C10orf90: variants seen among roughly 807,000 people sequenced by gnomAD.
The protein encoded by C10orf90 is (E2-independent) E3 ubiquitin-conjugating enzyme FATS.
In C10orf90, 56 loss-of-function variants were observed where a neutral mutation model predicts 62.5. The ratio of observed to expected loss-of-function variants is 0.90; its 90% CI spans 0.72 to 1.12. The LOEUF is 1.12. C10orf90 is among the 50% of genes most tolerant of loss of function. The pLI is 0.00. For synonymous variants in C10orf90, 386 were observed against 340.4 expected (o/e 1.13, Z -1.47); for missense variants, 970 against 880.4 (o/e 1.10, Z -1.29).
chr10:126,437,263 A>G, intron 7 of C10orf90, among the ~76,000 whole-genome samples: 1 of 152,164 alleles, frequency 6.6e-6, no homozygotes, highest in East Asian at 1.9e-4. Flanking sequence ...CAAAGGAGGG[A>G]TTGTATTTTC....
chr10:126,519,892 C>A (rs1452852427), intron 2 of C10orf90, among the ~76,000 whole-genome samples: 1 of 152,150 alleles, frequency 6.6e-6, no homozygotes, highest in East Asian at 1.9e-4. Context: ...GAGGCCAGAT[C>A]CCCTCCGTGA....
At chr10:126,459,004 G>T (rs1438319108) in intron 7 of C10orf90, 36 bp downstream of exon 7, 1 of 1,592,322 alleles carries the variant, frequency 6.3e-7, no homozygotes. Flanking sequence ...CCCATCCCTG[G>T]TCTTTTCCAG....
intron 2 of C10orf90, among the ~76,000 whole-genome samples, chr10:126,566,484 T>G (rs895061940): frequency 1.3e-5 from 2 of 152,100 alleles, no homozygotes; most frequent in African/African-American, 2.4e-5. Context: ...AGGGCTGCAA[T>G]GAGGGATACT....
chr10:126,669,577 C>T (rs768457991), intron 1 of C10orf90, among the ~76,000 whole-genome samples: 3 of 152,158 alleles, frequency 2.0e-5, no homozygotes, highest in South Asian at 2.1e-4. Context: ...AGATTTCATG[C>T]GTGTTTACTT....
chr10:126,664,502 G>C (rs1351803581), intron 1 of C10orf90, among the ~76,000 whole-genome samples: 1 of 152,156 alleles, frequency 6.6e-6, no homozygotes, highest in Admixed American at 6.5e-5. Flanking sequence ...TCAAAGAGAA[G>C]AAAATTGCCA....
intron 4 of C10orf90, among the ~76,000 whole-genome samples, chr10:126,481,460 C>T (rs1400208837): frequency 2.0e-5 from 3 of 152,256 alleles, no homozygotes; most frequent in Admixed American, 2.0e-4. Context: ...TGACTCACAT[C>T]ATTTAACTGA....
Position 126,507,499 on chromosome 10 carries a change from C to A in C10orf90, c.406-2414G>T, listed in dbSNP as rs1338456064. ...TCAAAATATCCATGGCTACTTTTTT[C>A]CAAAAAAAAAAAAAAAGGTCAATGC... On this transcript the variant is annotated intron_variant, in intron 3 of 9. Transcript: ENST00000488181. Among the ~76,000 whole-genome samples the A allele has an allele frequency of 1.8e-3, 233 of 131,900 alleles. 1 individual carries two copies. The highest frequency in any genetic ancestry group is 6.2e-3 in the African/African-American group (220 of 35,262). The allele number at this position is 131,900 out of a possible 152,430, so 86.5% of individuals were successfully genotyped here.
At chr10:126,571,716 T>C (rs1358217594) in intron 2 of C10orf90, among the ~76,000 whole-genome samples, 1 of 152,062 alleles carries the variant, frequency 6.6e-6, no homozygotes, top group African/African-American at 2.4e-5. Context: ...GGGTTGACTT[T>C]CCCACTCACC....
intron 2 of C10orf90, among the ~76,000 whole-genome samples, chr10:126,631,972 C>T (rs1316785869): frequency 6.6e-6 from 1 of 152,030 alleles, no homozygotes; most frequent in Non-Finnish European, 1.5e-5. Context: ...GCCGCAGATG[C>T]CCCAGTAGAG....
At chr10:126,465,041 A>G in intron 4 of C10orf90, 55 bp from the exon 5 acceptor site, 1 of 1,555,142 alleles carries the variant, frequency 6.4e-7, no homozygotes, top group Non-Finnish European at 8.8e-7. Context: ...AATCTAATGT[A>G]CTGACTTCTA....
intron 7 of C10orf90, among the ~76,000 whole-genome samples, chr10:126,435,348 T>C (rs1393679046): frequency 2.0e-5 from 3 of 152,186 alleles, no homozygotes; most frequent in Non-Finnish European, 2.9e-5. Context: ...GCAAGGTGTA[T>C]AGGGCTTCCT....
At chr10:126,552,716 C>A (rs1401548824) in intron 2 of C10orf90, among the ~76,000 whole-genome samples, 1 of 152,244 alleles carries the variant, frequency 6.6e-6, no homozygotes, top group Non-Finnish European at 1.5e-5. Context: ...ACCTGCCGCG[C>A]ATATGCGCAA....
intron 2 of C10orf90, among the ~76,000 whole-genome samples, chr10:126,526,052 A>G (rs2133948864): frequency 6.6e-6 from 1 of 151,564 alleles, no homozygotes; most frequent in African/African-American, 2.4e-5. Context: ...ACACACACAC[A>G]CACACACACA....
intron 2 of C10orf90, among the ~76,000 whole-genome samples, chr10:126,604,611 G>A (rs868596708): frequency 1.3e-5 from 2 of 152,088 alleles, no homozygotes; most frequent in Non-Finnish European, 2.9e-5. Context: ...GTTAATTTGG[G>A]GATTCTTTCC....
chr10:126,466,749 A>G (rs901417136), intron 4 of C10orf90, among the ~76,000 whole-genome samples: 5 of 152,204 alleles, frequency 3.3e-5, no homozygotes, highest in African/African-American at 4.8e-5. Context: ...TGTAGGTCCA[A>G]AGTACCTGCA....
At chr10:126,502,797 C>T (rs1305092548) in intron 4 of C10orf90, 2 of 528,074 alleles carry the variant, frequency 3.8e-6, no homozygotes, top group Non-Finnish European at 3.9e-6. Flanking sequence ...ATCTTTGGAA[C>T]ATTGATAGCT....
At chr10:126,532,527 G>T (rs927147061) in intron 2 of C10orf90, among the ~76,000 whole-genome samples, 8 of 151,920 alleles carry the variant, frequency 5.3e-5, no homozygotes, top group Admixed American at 5.2e-4. Context: ...GATAAGTAAG[G>T]TTTGGACTCA....
chr10:126,642,602 C>T (rs767982155), intron 2 of C10orf90, among the ~76,000 whole-genome samples: 2 of 152,132 alleles, frequency 1.3e-5, no homozygotes, highest in South Asian at 2.1e-4. Flanking sequence ...CCACCCCACA[C>T]ATGTGGCTCC....
intron 1 of C10orf90, among the ~76,000 whole-genome samples, chr10:126,655,200 C>T (rs966984418): frequency 6.6e-6 from 1 of 152,056 alleles, no homozygotes; most frequent in Non-Finnish European, 1.5e-5. Context: ...TGCCTGTAGT[C>T]CCAGCTACTA....
Sources: allele counts gnomAD v4.1 joint callset (sites outside exome capture counted in the v4.1 genomes callset), GRCh38; gene constraint gnomAD v4.1.1; transcripts MANE v1.5; gene names NCBI Gene and HGNC (gene_info 2026-07-23, HGNC 2026-07-21).